CFH: variants seen among roughly 807,000 people sequenced by gnomAD.
The protein encoded by CFH is complement factor H.
Under a neutral mutation model 147.3 loss-of-function variants are expected in CFH, and 53 were observed. The observed-to-expected ratio is 0.36, with a 90% CI of 0.29 to 0.45. CFH has a LOEUF of 0.45. Ranked by LOEUF, CFH falls within the 20% of genes least tolerant of loss-of-function variation. The pLI is 1.00. For synonymous variants in CFH, 536 were observed against 489.4 expected (o/e 1.10, Z -1.26); for missense variants, 1,380 against 1,498.0 (o/e 0.92, Z 1.30).
intron 1 of CFH, among the ~76,000 whole-genome samples, chr1:196,652,427 A>C (rs773315793): frequency 2.0e-5 from 3 of 151,902 alleles, no homozygotes; most frequent in South Asian, 2.1e-4. Flanking sequence ...TTTCTGAAAA[A>C]CTATGATCTG....
intron 20 of CFH, among the ~76,000 whole-genome samples, chr1:196,744,587 G>A (rs1458858826): frequency 6.6e-6 from 1 of 151,966 alleles, no homozygotes; most frequent in African/African-American, 2.4e-5. Context: ...TCTACAACTG[G>A]AATATGGAAA....
intron 1 of CFH, among the ~76,000 whole-genome samples, chr1:196,666,905 A>T (rs976330528): frequency 6.6e-6 from 1 of 151,944 alleles, no homozygotes; most frequent in African/African-American, 2.4e-5. Context: ...GAGTATACTT[A>T]GAGTGGCTTT....
At chr1:196,680,285 C>A (rs371286562) in intron 6 of CFH, among the ~76,000 whole-genome samples, 2 of 143,180 alleles carry the variant, frequency 1.4e-5, no homozygotes, top group East Asian at 4.0e-4. Context: ...TATGACTCAA[C>A]GGTGATGATG....
intron 9 of CFH, among the ~76,000 whole-genome samples, chr1:196,698,801 A>G (rs894601021): frequency 6.6e-6 from 1 of 152,214 alleles, no homozygotes; most frequent in Non-Finnish European, 1.5e-5. Context: ...AATATCCCTG[A>G]TGAACATCAA....
intron 6 of CFH, among the ~76,000 whole-genome samples, chr1:196,681,188 C>G (rs113302194): frequency 4.0e-5 from 6 of 151,848 alleles, no homozygotes; most frequent in Non-Finnish European, 7.4e-5. Flanking sequence ...ACATCAGGAC[C>G]TTGCTGTGTA....
chr1:196,702,233 AT>A (rs1668474835), intron 9 of CFH, among the ~76,000 whole-genome samples: 1 of 152,082 alleles, frequency 6.6e-6, no homozygotes, highest in Non-Finnish European at 1.5e-5. Flanking sequence ...AAAGTCACAA[AT>A]CCGGGGCAAC....
chr1:196,715,488 A>C, intron 10 of CFH, 105 bp from the exon 11 acceptor site: 1 of 864,270 alleles, frequency 1.2e-6, no homozygotes, highest in Middle Eastern at 2.5e-4. Context: ...GTACCTATTT[A>C]TTAGTAGATC....
chr1:196,695,450 G>T (rs922581144), intron 9 of CFH, among the ~76,000 whole-genome samples: 2 of 152,088 alleles, frequency 1.3e-5, no homozygotes, highest in African/African-American at 2.4e-5. Flanking sequence ...TGATGCATCA[G>T]CTTTGTGCTT....
At chr1:196,654,884 G>T (rs1666632660) in intron 1 of CFH, among the ~76,000 whole-genome samples, 1 of 152,084 alleles carries the variant, frequency 6.6e-6, no homozygotes, top group East Asian at 1.9e-4. Context: ...TTGAATTTCA[G>T]TGTGATAAAT....
At chr1:196,702,406 C>G (rs973609310) in intron 9 of CFH, among the ~76,000 whole-genome samples, 3 of 152,066 alleles carry the variant, frequency 2.0e-5, no homozygotes, top group Non-Finnish European at 2.9e-5. Flanking sequence ...CTGCCACAGG[C>G]CAGCCTATAG....
At chr1:196,733,444 G>A (rs545518776) in intron 15 of CFH, among the ~76,000 whole-genome samples, 2 of 152,188 alleles carry the variant, frequency 1.3e-5, no homozygotes, top group East Asian at 3.9e-4. Context: ...ACAGTTAAGA[G>A]TTTTAAGAGG....
In CFH at chr1:196,726,501, A is replaced by C. The variant is rs758692733; in HGVS notation, c.1905A>C (p.Glu635Asp). Residue 635 changes from glutamate (E) to aspartate (D), a missense_variant, in exon 13 of 22, where the codon GAA becomes GAC. Around this residue, in one of 4 missense-constraint regions of CFH, gnomAD observed 830 missense variants for 821.4 expected, o/e 1.01. Coordinates refer to ENST00000367429, the MANE Select transcript of CFH (RefSeq NM_000186.4). ...EQVQSCGPPP[E>D]LLNGNVKEKT... is the part of the protein sequence containing the mutation. The stretch of plus-strand genomic sequence containing the variant: ...TACAATCATGTGGTCCACCTCCTGA[A>C]CTCCTCAATGGGAATGTTAAGGAAA... 6.2e-7 allele frequency: 1 copy of C among 1,612,564 alleles called. No individual in the cohort carries two copies. The highest frequency in any genetic ancestry group is 1.1e-5 in the South Asian group (1 of 91,054).
At position 196,686,480 on chromosome 1, in the gene CFH, G is replaced by GT. The variant is rs3216571; in HGVS notation, c.964+1249dup. ...GGATGCTCCTTTACCCCTTTTTAATGTTTTTTCTATCTCTACAATCAAATT... is the reference window on the plus strand; with the variant it reads ...GGATGCTCCTTTACCCCTTTTTAATGTTTTTTTCTATCTCTACAATCAAATT... On this transcript the variant is annotated intron_variant, in intron 7 of 21. Transcript: ENST00000367429. Among the ~76,000 whole-genome samples the GT allele has an allele frequency of 4.3e-3, 661 of 152,042 alleles. 8 individuals are homozygous for GT. Among genetic ancestry groups the GT allele is most frequent in the East Asian group, 0.027 (140 of 5,150 alleles).
chr1:196,745,290 G>A (rs547095310), intron 20 of CFH, among the ~76,000 whole-genome samples: 3 of 151,584 alleles, frequency 2.0e-5, no homozygotes, highest in Admixed American at 1.3e-4. Context: ...TTTCTGCATC[G>A]GCATTATTTG....
intron 9 of CFH, among the ~76,000 whole-genome samples, chr1:196,703,811 C>A (rs1036236108): frequency 6.6e-6 from 1 of 151,460 alleles, no homozygotes; most frequent in Non-Finnish European, 1.5e-5. Flanking sequence ...AGTGAAACCC[C>A]GTCTCTGCTA....
In CFH at chr1:196,707,376, ACACAATCTT is replaced by A. The variant is rs1668616293; in HGVS notation, c.1337-6358_1337-6350del. ...AAATAAATTAGATATTATCAAATAT[ACACAATCTT>A]TAGGTTGTACTTTAACTACTATTCA... On this transcript the variant is annotated intron_variant, in intron 9 of 21. Coordinates refer to ENST00000367429, the MANE Select transcript of CFH (RefSeq NM_000186.4). 2.0e-5 allele frequency among the ~76,000 whole-genome samples: 3 copies of A among 152,224 alleles called. No homozygotes were observed. The East Asian group carries it at 5.8e-4, about 29-fold the overall frequency.
At chr1:196,740,830 A>G (rs904446718) in intron 18 of CFH, 38 bp downstream of exon 18, 3 of 1,581,040 alleles carry the variant, frequency 1.9e-6, no homozygotes, top group Non-Finnish European at 2.6e-6. Flanking sequence ...TATGATAAAT[A>G]TTCTTCATTC....
intron 1 of CFH, among the ~76,000 whole-genome samples, chr1:196,658,407 A>ATTTTTTTTTTTTTT (rs549213437): frequency 3.5e-4 from 32 of 92,246 alleles, no homozygotes; most frequent in African/African-American, 9.9e-4. Flanking sequence ...TGCTCAGGTA[A>ATTTTTTTTTTTTTT]TTTTTTTTTT....
At chr1:196,688,881 G>T (rs1004460981) in intron 7 of CFH, among the ~76,000 whole-genome samples, 2 of 152,182 alleles carry the variant, frequency 1.3e-5, no homozygotes. Flanking sequence ...AAAGTGCTGG[G>T]ATTACAGGCG....
Sources: gnomAD v4.1 joint callset for allele counts (sites outside exome capture counted in the v4.1 genomes callset) on GRCh38, gnomAD v4.1.1 for gene constraint, gnomAD v4.1.1 regional missense constraint, MANE v1.5 for transcripts, NCBI Gene and HGNC (gene_info 2026-07-23, HGNC 2026-07-21) for gene names.